The following PHF19 variants were observed in gnomAD, a reference collection of about 807,000 sequenced individuals.
PHF19 encodes the protein PHD finger protein 19.
A neutral mutation model predicts 79.8 loss-of-function variants in PHF19; 21 were observed. The ratio of observed to expected loss-of-function variants is 0.26; its 90% CI spans 0.19 to 0.38. PHF19 has a LOEUF of 0.38. Ranked by LOEUF, PHF19 falls within the 10% of genes least tolerant of loss-of-function variation. PHF19 has a pLI of 1.00. For synonymous variants in PHF19, 273 were observed against 296.3 expected (o/e 0.92, Z 0.81); for missense variants, 445 against 744.2 (o/e 0.60, Z 4.68).
intron 1 of PHF19, among the ~76,000 whole-genome samples, chr9:120,889,004 G>C (rs1206558903): frequency 1.3e-5 from 2 of 152,194 alleles, no homozygotes; most frequent in Non-Finnish European, 2.9e-5. Context: ...TGGGAGGTGG[G>C]TGCTAGTTTT....
rs2045534312 is a variant in PHF19, at chr9:120,861,780, A to G, written c.1218+138T>C. On this transcript the variant is annotated intron_variant, in intron 12 of 14. Transcript: ENST00000373896. ...GCAGGGGTCTTAGAGTGCCTGGCTTAGCTGTAATAGGGACTGGCTTCTTTA... is the reference window on the plus strand; with the variant it reads ...GCAGGGGTCTTAGAGTGCCTGGCTTGGCTGTAATAGGGACTGGCTTCTTTA... 28 of 720,894 alleles carry G rather than the reference A, an allele frequency of 3.9e-5. No homozygotes were observed. In the South Asian group the frequency reaches 4.3e-4, roughly 11 times the overall value. The allele number at this position is 720,894 out of a possible 1,614,324, so 44.7% of individuals were successfully genotyped here.
intron 1 of PHF19, among the ~76,000 whole-genome samples, chr9:120,884,067 A>G (rs1449592594): frequency 6.6e-6 from 1 of 152,212 alleles, no homozygotes. Flanking sequence ...GCTCCCAGTC[A>G]TTCTTTATAA....
rs2045824255 is a variant in PHF19 at position 120,869,476 on chromosome 9, C to T, written c.466-146G>A. 7.5e-7 allele frequency: 1 copy of T among 1,331,806 alleles called. No homozygotes were observed. Among genetic ancestry groups the T allele is most frequent in the South Asian group, 1.5e-5 (1 of 65,680 alleles). 82.5% of individuals were successfully genotyped at this position (1,331,806 alleles called of 1,614,324 possible). On this transcript the variant is annotated intron_variant, in intron 5 of 14. Coordinates refer to ENST00000373896, the MANE Select transcript of PHF19 (RefSeq NM_015651.3). The surrounding 1 kb of genome is among the most constrained non-coding windows in gnomAD (Gnocchi z 5.8). ...TAGTCAGAAAAGCAAGGAGCTTTTT[C>T]TCATTAATTCCAAACCCATCCCCTC...
upstream of PHF19, among the ~76,000 whole-genome samples, chr9:120,877,865 T>C (rs1179734265): frequency 1.3e-5 from 2 of 152,038 alleles, no homozygotes; most frequent in African/African-American, 4.8e-5. Context: ...ACACCAGCCA[T>C]AGGCATAGAT....
chr9:120,860,144 G>A lies in PHF19; in HGVS notation c.1346C>T (p.Thr449Ile), dbSNP rs1207772309. The change falls in exon 14 of 15, where the codon ACC (threonine) becomes ATC (isoleucine). Residue 449 changes from threonine to isoleucine, a missense_variant. Thr to Ile is a moderately conservative substitution (Grantham distance 89). Around this residue, in one of 5 missense-constraint regions of PHF19, gnomAD observed 125 missense variants for 180.5 expected, o/e 0.69. Coordinates refer to ENST00000373896, the MANE Select transcript of PHF19 (RefSeq NM_015651.3). The surrounding 1 kb of genome is among the most constrained non-coding windows in gnomAD (Gnocchi z 4.1). The stretch of plus-strand genomic sequence containing the variant: ...AGAGCCAGAGGTGCTGGCAGCGTCG[G>A]TGGAGTCGACATCTGAGAAGAAGGT... ...GQTFFSDVDS[T>I]DAASTSGSAS... 1 of 1,599,892 alleles carries A rather than the reference G, an allele frequency of 6.3e-7. No individual in the cohort carries two copies. Among genetic ancestry groups the A allele is most frequent in the East Asian group, 2.3e-5 (1 of 44,352 alleles).
chr9:120,865,908 G>A, intron 8 of PHF19, 78 bp from the exon 9 acceptor site: 10 of 1,605,128 alleles, frequency 6.2e-6, no homozygotes, highest in Non-Finnish European at 8.5e-6. Flanking sequence ...CTGGGTCCAG[G>A]CTGAGAGACA....
upstream of PHF19, among the ~76,000 whole-genome samples, chr9:120,897,494 C>G (rs146639347): frequency 6.9e-3 from 1,044 of 152,196 alleles, 12 homozygotes; most frequent in African/African-American, 0.024. Context: ...TCCCTGTAGC[C>G]AAGGCACTGA....
rs542710693 is a variant in PHF19 at position 120,870,214 on chromosome 9, C to T, written c.364+229G>A. Reference sequence around the variant, plus strand: ...GAGCCCCATCTTTCCCACCCATCCTCTCCATCTAGCTGGGCCCCAAATTAC... The same window carrying T: ...GAGCCCCATCTTTCCCACCCATCCTTTCCATCTAGCTGGGCCCCAAATTAC... On this transcript the variant is annotated intron_variant, in intron 4 of 14. Transcript: ENST00000373896. This position sits in a 1 kb window ranked among gnomAD's most constrained non-coding sequence, Gnocchi z 4.4. 2.0e-5 allele frequency among the ~76,000 whole-genome samples: 3 copies of T among 152,354 alleles called. No homozygotes were observed. The highest frequency in any genetic ancestry group is 7.2e-5 in the African/African-American group (3 of 41,582).
At chr9:120,872,037 CAAAAAAA>C (rs1170243737) in intron 3 of PHF19, among the ~76,000 whole-genome samples, 226 of 30,274 alleles carry the variant, frequency 7.5e-3, no homozygotes, top group African/African-American at 0.028. Context: ...GACTCTGTCT[CAAAAAAA>C]AAAAAAAAAA....
At chr9:120,871,171 G>A (rs1229314199) in intron 3 of PHF19, among the ~76,000 whole-genome samples, 1 of 152,136 alleles carries the variant, frequency 6.6e-6, no homozygotes, top group Non-Finnish European at 1.5e-5. Context: ...TCAAAGTTCT[G>A]GGATTACACG....
At chr9:120,878,162 TAG>T (rs2046119424), upstream of PHF19, among the ~76,000 whole-genome samples, 1 of 152,112 alleles carries the variant, frequency 6.6e-6, no homozygotes, top group African/African-American at 2.4e-5. Context: ...ACAAATTGCG[TAG>T]AGACACAGTG....
intron 3 of PHF19, among the ~76,000 whole-genome samples, chr9:120,871,588 CA>C (rs1487370656): frequency 6.6e-6 from 1 of 152,194 alleles, no homozygotes; most frequent in Non-Finnish European, 1.5e-5. Context: ...TTTTAGTCTA[CA>C]GGTCCCCTCT....
chr9:120,871,422 C>G (rs2131545658), intron 3 of PHF19, among the ~76,000 whole-genome samples: 1 of 152,342 alleles, frequency 6.6e-6, no homozygotes, highest in East Asian at 1.9e-4. Context: ...TATAAGTTAA[C>G]ATAATTGCTT....
rs370134311 is a variant in PHF19 at position 120,887,281 on chromosome 9, C to A, written c.42+7507G>T. On this transcript the variant is annotated intron_variant, in intron 1 of 14. Coordinates refer to the PHF19 transcript ENST00000616568. The stretch of plus-strand genomic sequence containing the variant: ...ACCAGCCTGGCCAACATGGTGAAAT[C>A]CTGTCTCTACTAAAAATGCAAAATT... 3.3e-5 allele frequency among the ~76,000 whole-genome samples: 5 copies of A among 152,092 alleles called. No homozygotes were observed. In the East Asian group the frequency reaches 9.7e-4, roughly 29 times the overall value.
At chr9:120,884,637 G>A (rs1274792668) in intron 1 of PHF19, among the ~76,000 whole-genome samples, 1 of 152,130 alleles carries the variant, frequency 6.6e-6, no homozygotes, top group Non-Finnish European at 1.5e-5. Context: ...TCTGGGCACG[G>A]TGGCTCACAC....
Position 120,870,411 on chromosome 9 carries a change from G to T in PHF19, c.364+32C>A. 7.2e-7 allele frequency: 1 copy of T among 1,383,188 alleles called. No homozygotes were observed. 85.7% of individuals were successfully genotyped at this position (1,383,188 alleles called of 1,614,324 possible). On this transcript the variant is annotated intron_variant, in intron 4 of 14. Transcript: ENST00000373896. This position sits in a 1 kb window ranked among gnomAD's most constrained non-coding sequence, Gnocchi z 4.4. ...CAGTGCGTGGGGACCTATAGGTCGG[G>T]GCCTTCTCAGGGCCCTGCTCGCTCC...
chr9:120,877,283 G>C (rs2046094121), upstream of PHF19: 1 of 935,920 alleles, frequency 1.1e-6, no homozygotes, highest in Admixed American at 6.3e-5. Flanking sequence ...GGAGGGGCCG[G>C]GGCGCTCAGG....
At chr9:120,884,457 C>G (rs1478074910) in intron 1 of PHF19, among the ~76,000 whole-genome samples, 1 of 152,178 alleles carries the variant, frequency 6.6e-6, no homozygotes, top group Non-Finnish European at 1.5e-5. Flanking sequence ...AAGGCTCTTG[C>G]TGGGCATTTC....
At chr9:120,903,182 G>A in the PHF19 span, 1 of 152,376 alleles carries the variant, frequency 6.6e-6, no homozygotes, top group Non-Finnish European at 1.5e-5. Context: ...CACAGTCTCC[G>A]CTGCCACGCT....
Sources: gnomAD v4.1 joint callset for allele counts (sites outside exome capture counted in the v4.1 genomes callset) on GRCh38, gnomAD v4.1.1 for gene constraint, gnomAD v4.1.1 regional missense constraint, Gnocchi (gnomAD v3.1) non-coding constraint, MANE v1.5 for transcripts, NCBI Gene and HGNC (gene_info 2026-07-23, HGNC 2026-07-21) for gene names.